GALNT5: variants seen among roughly 807,000 people sequenced by gnomAD.
GALNT5 encodes the protein UDP-GalNAc:polypeptide N-acetylgalactosaminyltransferase 5.
Under a neutral mutation model 85.4 loss-of-function variants are expected in GALNT5, and 72 were observed. The ratio of observed to expected loss-of-function variants is 0.84; its 90% confidence interval spans 0.70 to 1.03. The LOEUF (loss-of-function observed/expected upper bound fraction) is 1.03. Ranked by LOEUF, GALNT5 falls within the 50% of genes least tolerant of loss-of-function variation. The pLI is 0.00. For synonymous variants in GALNT5, 404 were observed against 397.0 expected, an observed-to-expected ratio of 1.02 and a Z score of -0.21; for missense variants, 1,137 against 1,135.5, an observed-to-expected ratio of 1.00 and a Z score of -0.02.
At chr2:157,306,023 T>C (rs1683447997) in intron 8 of GALNT5, among the ~76,000 whole-genome samples, 194 bp downstream of exon 8, 1 of 152,196 alleles carries the variant, frequency 6.6e-6, no homozygotes, top group African/African-American at 2.4e-5. Flanking sequence ...GTCAACTCAC[T>C]GGGTCCAGAA....
intron 3 of GALNT5, among the ~76,000 whole-genome samples, chr2:157,286,606 C>T (rs762436474): frequency 6.6e-6 from 1 of 152,118 alleles, no homozygotes; most frequent in East Asian, 1.9e-4. Flanking sequence ...CTCGTTCACA[C>T]CGTTCTCCTG....
intron 3 of GALNT5, among the ~76,000 whole-genome samples, chr2:157,292,184 C>T (rs1683114941): frequency 2.6e-5 from 4 of 152,080 alleles, no homozygotes; most frequent in Admixed American, 2.0e-4. Flanking sequence ...AAGCAGAGCT[C>T]GGATTGAAGG....
In GALNT5 at chr2:157,299,556, T is replaced by G. The variant is rs1189727896; in HGVS notation, c.2006T>G (p.Val669Gly). ...AACTTTTCTTTTTGTAGGTGCCCTGTCATGGCTGGTGGATTGTTTTCTATT... is the reference window on the plus strand; with the variant it reads ...AACTTTTCTTTTTGTAGGTGCCCTGGCATGGCTGGTGGATTGTTTTCTATT... ...IKETDTIRCP[V>G]MAGGLFSIDK... Residue 669 changes from valine (V) to glycine (G), a missense_variant, in exon 6 of 10, where the codon GTC (valine) becomes GGC (glycine). By Grantham distance (109) the Val-to-Gly change is moderately radical. Coordinates refer to ENST00000259056, the MANE Select transcript of GALNT5 (RefSeq NM_014568.3). 5 of 1,603,316 alleles carry G rather than the reference T, an allele frequency of 3.1e-6. No individual in the cohort carries two copies. Among genetic ancestry groups the G allele is most frequent in the Non-Finnish European group, 4.3e-6 (5 of 1,170,828 alleles).
intron 1 of GALNT5, among the ~76,000 whole-genome samples, 196 bp from the exon 2 acceptor site, chr2:157,284,086 C>A (rs780887334): frequency 6.6e-6 from 1 of 151,856 alleles, no homozygotes; most frequent in Non-Finnish European, 1.5e-5. Flanking sequence ...TTTGCATGTA[C>A]CCCTCCCCAA....
At chr2:157,265,422 T>C (rs1682435811) in intron 1 of GALNT5, among the ~76,000 whole-genome samples, 2 of 152,226 alleles carry the variant, frequency 1.3e-5, no homozygotes, top group Non-Finnish European at 2.9e-5. Flanking sequence ...TACTAGTTTC[T>C]TTCTAAAAAG....
Position 157,317,430 on chromosome 2 carries a change from G to T in GALNT5, c.*6082G>T, listed in dbSNP as rs1683739808. Among the ~76,000 whole-genome samples the T allele has an allele frequency of 6.6e-6, 1 of 151,860 alleles. No homozygotes were observed. The highest frequency in any genetic ancestry group is 1.5e-5 in the Non-Finnish European group (1 of 67,952). The stretch of plus-strand genomic sequence containing the variant: ...TTATCAGGGTGCTTGTTATTTAGTT[G>T]AAGATTACACACATGTCTTCTGCTT... On this transcript the variant is annotated 3_prime_UTR_variant, in exon 10 of 10. Transcript: ENST00000259056.
chr2:157,263,576 T>A (rs925369594), intron 1 of GALNT5, among the ~76,000 whole-genome samples: 3 of 152,248 alleles, frequency 2.0e-5, no homozygotes, highest in African/African-American at 7.2e-5. Flanking sequence ...CTAGTGAAAT[T>A]ATAAGCTTCT....
In GALNT5 at chr2:157,311,931, A is replaced by T. The variant is rs528157736; in HGVS notation, c.*583A>T. The T allele has an allele frequency of 9.8e-5, 15 of 152,288 alleles. No individual in the cohort carries two copies. In the East Asian group the frequency reaches 2.7e-3, roughly 27 times the overall value. The allele number at this position is 152,288 out of a possible 1,614,324, so 9.4% of individuals were successfully genotyped here. On this transcript the variant is annotated 3_prime_UTR_variant, in exon 10 of 10. Transcript: ENST00000259056. ...AACCCTGCTTGATGGCAGCATTTTG[A>T]TCTAAATTACATAATGGTTTTTCCC...
chr2:157,267,270 G>A (rs752635696), intron 1 of GALNT5, among the ~76,000 whole-genome samples: 2 of 152,188 alleles, frequency 1.3e-5, no homozygotes, highest in Non-Finnish European at 2.9e-5. Context: ...GGACGTAAAT[G>A]AGGCCACAGA....
In GALNT5 at chr2:157,315,135, A is replaced by G. The variant is rs1272654775; in HGVS notation, c.*3787A>G. Reference sequence around the variant, plus strand: ...GAAAGCCCCAAAATCTTGGATTAAAACAAAAAAATGACATTGGGTGATGGG... The same window carrying G: ...GAAAGCCCCAAAATCTTGGATTAAAGCAAAAAAATGACATTGGGTGATGGG... On this transcript the variant is annotated 3_prime_UTR_variant, in exon 10 of 10. Coordinates refer to ENST00000259056, the MANE Select transcript of GALNT5 (RefSeq NM_014568.3). Among the ~76,000 whole-genome samples the G allele has an allele frequency of 6.6e-6, 1 of 152,166 alleles. No individual in the cohort carries two copies. The highest frequency in any genetic ancestry group is 1.5e-5 in the Non-Finnish European group (1 of 68,010).
intron 9 of GALNT5, 65 bp from the exon 10 acceptor site, chr2:157,311,143 A>G (rs1683560570): frequency 7.9e-7 from 1 of 1,257,958 alleles, no homozygotes; most frequent in Middle Eastern, 1.9e-4. Context: ...ATTGATTTTC[A>G]TTTCTTCATA....
intron 8 of GALNT5, among the ~76,000 whole-genome samples, chr2:157,306,755 C>A (rs1359923952): frequency 6.6e-6 from 1 of 152,164 alleles, no homozygotes; most frequent in African/African-American, 2.4e-5. Flanking sequence ...CATCCCATCT[C>A]TACCTCTTAA....
At chr2:157,308,110 G>A (rs767060813) in intron 8 of GALNT5, among the ~76,000 whole-genome samples, 14 of 152,106 alleles carry the variant, frequency 9.2e-5, no homozygotes, top group Non-Finnish European at 4.4e-5. Context: ...AGAAATTTAG[G>A]GCTATGACTG....
In GALNT5 at chr2:157,304,724, AT is replaced by A. The variant is rs1309244375; in HGVS notation, c.2440-1019del. 2.0e-5 allele frequency among the ~76,000 whole-genome samples: 3 copies of A among 151,882 alleles called. No individual in the cohort carries two copies. The East Asian group carries it at 5.8e-4, about 29-fold the overall frequency. On this transcript the variant is annotated intron_variant, in intron 7 of 9. Coordinates refer to ENST00000259056, the MANE Select transcript of GALNT5 (RefSeq NM_014568.3). ...TTTGCAAGTTTCCCTGTAGCCTTTA[AT>A]TTTTTCCGCATATTCTGATCCCTGA...
At position 157,296,427 on chromosome 2, in the gene GALNT5, C is replaced by G; in HGVS notation, c.1911C>G (p.Ile637Met). Residue 637 changes from isoleucine (I) to methionine (M), a missense_variant, in exon 5 of 10, where the codon ATC (isoleucine) becomes ATG (methionine). Ile to Met is a conservative substitution (Grantham distance 10). Coordinates refer to ENST00000259056, the MANE Select transcript of GALNT5 (RefSeq NM_014568.3). Reference sequence around the variant, plus strand: ...CAGTGGATAACTTTCAAAGAGGCATCTTTGTGTGGCCCATGAACTTTGGTT... The same window carrying G: ...CAGTGGATAACTTTCAAAGAGGCATGTTTGTGTGGCCCATGAACTTTGGTT... ...YMTVDNFQRG[I>M]FVWPMNFGWR... 1 of 1,610,002 alleles carries G rather than the reference C, an allele frequency of 6.2e-7. No homozygotes were observed. The highest frequency in any genetic ancestry group is 1.1e-5 in the South Asian group (1 of 90,982).
In GALNT5 at chr2:157,310,018, T is replaced by C. The variant is rs1558906488; in HGVS notation, c.2683-1190T>C. Among the ~76,000 whole-genome samples, 4 of 150,512 alleles carry C rather than the reference T, an allele frequency of 2.7e-5. 1 individual carries two copies. Among genetic ancestry groups the C allele is most frequent in the Admixed American group, 2.6e-4 (4 of 15,096 alleles). On this transcript the variant is annotated intron_variant, in intron 9 of 9. Transcript: ENST00000259056. ...ATGTGGTAAGGAGAGAGAGAGAGAG[T>C]GAGAGAGAGAGAATATGAATAAGAA...
intron 1 of GALNT5, among the ~76,000 whole-genome samples, chr2:157,278,519 C>T (rs1335817224): frequency 1.3e-5 from 2 of 152,040 alleles, no homozygotes; most frequent in African/African-American, 4.8e-5. Flanking sequence ...TTTCTTTTTC[C>T]TCTTTTTCCT....
intron 2 of GALNT5, among the ~76,000 whole-genome samples, 170 bp downstream of exon 2, chr2:157,284,618 G>A (rs79679728): frequency 1.2e-3 from 178 of 152,324 alleles, no homozygotes; most frequent in African/African-American, 4.0e-3. Context: ...ATCTATGGAC[G>A]TTAAAAGTCA....
chr2:157,293,539 C>T (rs897063953), intron 3 of GALNT5, among the ~76,000 whole-genome samples: 1 of 152,184 alleles, frequency 6.6e-6, no homozygotes, highest in African/African-American at 2.4e-5. Context: ...CTGTCATTGT[C>T]AAACAAGCAT....
Sources: allele counts gnomAD v4.1 joint callset (sites outside exome capture counted in the v4.1 genomes callset), GRCh38; gene constraint gnomAD v4.1.1; transcripts MANE v1.5; gene names NCBI Gene and HGNC (gene_info 2026-07-23, HGNC 2026-07-21).